The following MYL4 variants were observed in gnomAD, a reference collection of about 807,000 sequenced individuals.
MYL4 encodes myosin light chain 4, also known as atrial myosin light chain 1.
In MYL4, 16 loss-of-function variants were observed where a neutral mutation model predicts 21.6. That is an observed-to-expected ratio of 0.74 (90% confidence interval 0.50 to 1.12). The LOEUF is 1.12. Ranked by LOEUF, MYL4 falls within the 50% of genes most tolerant of loss-of-function variation. The probability of loss-of-function intolerance (pLI) is 0.00; values close to 1 mark genes in which losing one functional copy is unlikely to be tolerated. For synonymous variants in MYL4, 82 were observed against 95.7 expected (o/e 0.86, Z 0.83); for missense variants, 249 against 252.9 (o/e 0.98, Z 0.11).
chr17:47,216,489 G>A (rs1246569030), intron 2 of MYL4, among the ~76,000 whole-genome samples: 1 of 151,888 alleles, frequency 6.6e-6, no homozygotes, highest in Non-Finnish European at 1.5e-5. Context: ...TTGATCATAA[G>A]TCATATCTAC....
chr17:47,222,476 C>T lies in MYL4; in HGVS notation c.565+19C>T, dbSNP rs145181954. 1.3e-4 allele frequency: 203 copies of T among 1,613,180 alleles called. No individual in the cohort carries two copies. The highest frequency in any genetic ancestry group is 8.3e-4 in the Middle Eastern group (5 of 6,036). On this transcript the variant is annotated intron_variant, in intron 5 of 6. Coordinates refer to ENST00000393450, the MANE Select transcript of MYL4 (RefSeq NM_002476.2). ...TATGAAGGTATTAAGCCGCGCCTTG[C>T]ATCCCAGGGCAGCCAGGGATGGTAG... is the stretch of plus-strand genomic sequence containing the variant.
chr17:47,204,962 C>T (rs1210837734), upstream of MYL4, among the ~76,000 whole-genome samples: 1 of 152,172 alleles, frequency 6.6e-6, no homozygotes, highest in Non-Finnish European at 1.5e-5. Context: ...CATTAACAGC[C>T]AGGCTAGCTG....
downstream of MYL4, among the ~76,000 whole-genome samples, chr17:47,226,789 A>G (rs2149050968): frequency 6.6e-6 from 1 of 152,332 alleles, no homozygotes; most frequent in East Asian, 1.9e-4. Context: ...CACATGGTCT[A>G]AGATGCTGCT....
chr17:47,205,274 A>C (rs540357370), upstream of MYL4, among the ~76,000 whole-genome samples: 7 of 152,302 alleles, frequency 4.6e-5, no homozygotes, highest in South Asian at 4.1e-4. Context: ...CTTCCCAGAG[A>C]AAGTTGTTTG....
intron 1 of MYL4, among the ~76,000 whole-genome samples, chr17:47,201,409 A>C (rs966337628): frequency 6.6e-6 from 1 of 150,436 alleles, no homozygotes; most frequent in African/African-American, 2.4e-5. Context: ...TTCTTTCTTC[A>C]GTGGTCCATG....
intron 4 of MYL4, 147 bp downstream of exon 4, chr17:47,222,002 TG>T: frequency 1.0e-6 from 1 of 964,660 alleles, no homozygotes; most frequent in Non-Finnish European, 1.5e-6. Flanking sequence ...CCTGTCTCCC[TG>T]GGCTCTGCAA....
the MYL4 span, among the ~76,000 whole-genome samples, chr17:47,195,418 G>A: frequency 9.4e-4 from 143 of 152,074 alleles, no homozygotes; most frequent in Non-Finnish European, 1.3e-3. Context: ...TAGTAGAGAC[G>A]GGGTGTCTCC....
intron 1 of MYL4, among the ~76,000 whole-genome samples, chr17:47,213,584 G>A (rs2064791389): frequency 6.6e-6 from 1 of 152,138 alleles, no homozygotes; most frequent in African/African-American, 2.4e-5. Context: ...ACCTGGGGAG[G>A]AGGGCCGACG....
chr17:47,209,567 G>A lies in MYL4; in HGVS notation c.135+10G>A. The A allele has an allele frequency of 6.2e-7, 1 of 1,614,198 alleles. No individual in the cohort carries two copies. On this transcript the variant is annotated intron_variant, in intron 1 of 6. Coordinates refer to ENST00000393450, the MANE Select transcript of MYL4 (RefSeq NM_002476.2). ...CCCCAAGAGTGTAAAGGTAAGTGAG[G>A]CTCAGCCATTGGGATAGAGGTGGGG...
upstream of MYL4, chr17:47,209,102 C>T: frequency 2.1e-6 from 1 of 471,088 alleles, no homozygotes; most frequent in African/African-American, 2.0e-5. Context: ...GTCTGTTTCC[C>T]TGGTCCTTCT....
upstream of MYL4, among the ~76,000 whole-genome samples, chr17:47,198,509 A>G (rs973853533): frequency 2.6e-5 from 4 of 152,068 alleles, no homozygotes; most frequent in African/African-American, 9.7e-5. Flanking sequence ...TCTCTGGGTA[A>G]ATTGCAGAGC....
rs763415247 is a variant in MYL4 at position 47,209,464 on chromosome 17, G to GCCAGCT, written c.60_65dup (p.Ala30_Pro31dup). The GCCAGCT allele has an allele frequency of 1.7e-5, 27 of 1,614,192 alleles. No homozygotes were observed. Among genetic ancestry groups the GCCAGCT allele is most frequent in the East Asian group, 6.7e-5 (3 of 44,884 alleles). On this transcript the variant is annotated inframe_insertion, in exon 1 of 7. Coordinates refer to ENST00000393450, the MANE Select transcript of MYL4 (RefSeq NM_002476.2). The stretch of plus-strand genomic sequence containing the variant: ...CTGAGCCTAAGAAGGAGGCAGCCAA[G>GCCAGCT]CCAGCTCCAGCTCCAGCTCCAGCCC...
chr17:47,217,393 G>A (rs906708425), intron 2 of MYL4, among the ~76,000 whole-genome samples: 1 of 152,034 alleles, frequency 6.6e-6, no homozygotes, highest in African/African-American at 2.4e-5. Context: ...GGGAGGTGGA[G>A]GTTGCAGTGA....
At position 47,209,363 on chromosome 17, in the gene MYL4, C is replaced by G; in HGVS notation, c.-60C>G. The G allele has an allele frequency of 1.9e-6, 3 of 1,610,454 alleles. No individual in the cohort carries two copies. Among genetic ancestry groups the G allele is most frequent in the Non-Finnish European group, 2.5e-6 (3 of 1,177,590 alleles). On this transcript the variant is annotated 5_prime_UTR_variant, in exon 1 of 7. Coordinates refer to ENST00000393450, the MANE Select transcript of MYL4 (RefSeq NM_002476.2). ...CCAGGCTCCTATCTCATCTCCCAGA[C>G]GCCACGTCTCTCGGTTTCTTCTTAG...
chr17:47,212,553 G>A (rs180987188), intron 1 of MYL4, among the ~76,000 whole-genome samples: 56 of 152,266 alleles, frequency 3.7e-4, no homozygotes, highest in African/African-American at 1.3e-3. Context: ...AAATTAGAAG[G>A]CATTTTAGTT....
chr17:47,216,171 G>A (rs1475158251), intron 2 of MYL4, among the ~76,000 whole-genome samples: 10 of 150,842 alleles, frequency 6.6e-5, no homozygotes, highest in Non-Finnish European at 1.5e-5. Flanking sequence ...CCAGACTTCT[G>A]TATTCTTTTA....
downstream of MYL4, among the ~76,000 whole-genome samples, chr17:47,224,940 GGAA>G (rs1482698065): frequency 2.0e-5 from 3 of 152,162 alleles, no homozygotes; most frequent in Non-Finnish European, 4.4e-5. Flanking sequence ...CCAGCAATTG[GGAA>G]GAAGGAGCAA....
chr17:47,207,509 G>T (rs188686099), upstream of MYL4, among the ~76,000 whole-genome samples: 1 of 152,190 alleles, frequency 6.6e-6, no homozygotes, highest in Admixed American at 6.5e-5. Flanking sequence ...TGGGAAATGG[G>T]CAGATGTGGG....
chr17:47,222,580 G>A, intron 5 of MYL4, 123 bp downstream of exon 5: 1 of 797,592 alleles, frequency 1.3e-6, no homozygotes, highest in Non-Finnish European at 2.1e-6. Context: ...ACCCCCCATT[G>A]GATGTTGTTC....
Sources: gnomAD v4.1 joint callset for allele counts (sites outside exome capture counted in the v4.1 genomes callset) on GRCh38, gnomAD v4.1.1 for gene constraint, MANE v1.5 for transcripts, NCBI Gene and HGNC (gene_info 2026-07-23, HGNC 2026-07-21) for gene names.